The following SFTPD variants were observed in gnomAD, a reference collection of about 807,000 sequenced individuals.
The protein encoded by SFTPD is pulmonary surfactant-associated protein D.
Under a neutral mutation model 34.6 loss-of-function variants are expected in SFTPD, and 18 were observed. The ratio of observed to expected loss-of-function variants is 0.52; its 90% CI spans 0.36 to 0.77. The LOEUF is 0.77. SFTPD is among the 30% of genes least tolerant of loss of function. The pLI, the probability that SFTPD is intolerant of heterozygous loss-of-function variation, is 0.00. For missense variants in SFTPD, 433 were observed against 468.9 expected (o/e 0.92, Z 0.71); for synonymous variants, 155 against 180.9 (o/e 0.86, Z 1.15).
chr10:79,958,343 G>C (rs558683378), intron 1 of SFTPD, among the ~76,000 whole-genome samples: 166 of 152,274 alleles, frequency 1.1e-3, no homozygotes, highest in Middle Eastern at 6.8e-3. Flanking sequence ...CCAATTAAAA[G>C]ACACAGACTG....
At chr10:79,971,350 G>A (rs1475749273) in intron 1 of SFTPD, 2 of 152,064 alleles carry the variant, frequency 1.3e-5, no homozygotes, top group Non-Finnish European at 2.9e-5. Context: ...TCATGTTTTG[G>A]TATGAGGGTA....
intron 1 of SFTPD, among the ~76,000 whole-genome samples, chr10:79,979,143 C>A (rs1346251711): frequency 1.3e-5 from 2 of 151,742 alleles, no homozygotes; most frequent in Non-Finnish European, 2.9e-5. Context: ...AAACATAAAC[C>A]AGAAAATAAA....
In SFTPD at chr10:79,940,725, G is replaced by A. The variant is rs1842602324; in HGVS notation, c.731C>T (p.Ala244Val). The part of the protein sequence containing the change: ...LQGQVQHLQA[A>V]FSQYKKVELF... ...CTCACCTTTCTTATACTGAGAGAAAGCAGCCTGGAGGTGCTGTACTTGTCC... is the reference window on the plus strand; with the variant it reads ...CTCACCTTTCTTATACTGAGAGAAAACAGCCTGGAGGTGCTGTACTTGTCC... The change falls in exon 7 of 8, where the codon GCT (alanine) becomes GTT (valine). Residue 244 changes from alanine (A) to valine (V), a missense_variant. Transcript: ENST00000372292. 4 of 1,608,324 alleles carry A rather than the reference G, an allele frequency of 2.5e-6. No individual in the cohort carries two copies. Among genetic ancestry groups the A allele is most frequent in the African/African-American group, 2.7e-5 (2 of 74,842 alleles).
At chr10:79,956,428 T>C (rs1267510648) in intron 1 of SFTPD, among the ~76,000 whole-genome samples, 4 of 152,260 alleles carry the variant, frequency 2.6e-5, no homozygotes, top group African/African-American at 9.6e-5. Context: ...AGATGGCACC[T>C]GGAAAATCGG....
rs2132496130 is a variant in SFTPD at position 79,942,868 on chromosome 10, C to G, written c.211G>C (p.Ala71Pro). 1 of 1,612,508 alleles carries G rather than the reference C, an allele frequency of 6.2e-7. No homozygotes were observed. The highest frequency in any genetic ancestry group is 2.2e-5 in the East Asian group (1 of 44,870). The change falls in exon 3 of 8, where the codon GCT (alanine) becomes CCT (proline). Residue 71 changes from alanine to proline, a missense_variant. Physicochemically the swap from Ala to Pro is conservative, Grantham distance 27. Coordinates refer to ENST00000372292, the MANE Select transcript of SFTPD (RefSeq NM_003019.5). ...CCAGGCATCCCTGCTTGCCCTGCAG[C>G]TCCTGGCAAACCTGTAGCAGCAGAA... ...GEKGDPGLPG[A>P]AGQAGMPGQA...
chr10:79,977,737 G>T (rs931513037), intron 1 of SFTPD, among the ~76,000 whole-genome samples: 2 of 152,204 alleles, frequency 1.3e-5, no homozygotes, highest in Non-Finnish European at 2.9e-5. Context: ...CTACTAAGGA[G>T]TTGTTACAGA....
chr10:79,948,092 C>G (rs898136310), intron 1 of SFTPD, among the ~76,000 whole-genome samples: 6 of 152,216 alleles, frequency 3.9e-5, no homozygotes, highest in African/African-American at 1.4e-4. Flanking sequence ...TAGCCTCTTT[C>G]AATTTTGAAA....
intron 4 of SFTPD, 31 bp from the exon 5 acceptor site, chr10:79,942,101 G>C: frequency 6.7e-7 from 1 of 1,483,992 alleles, no homozygotes; most frequent in Non-Finnish European, 9.4e-7. Context: ...AACAAACACA[G>C]CTAAGAGCGC....
upstream of SFTPD, among the ~76,000 whole-genome samples, chr10:79,951,626 A>C (rs910927280): frequency 6.6e-6 from 1 of 152,196 alleles, no homozygotes; most frequent in African/African-American, 2.4e-5. Flanking sequence ...CCCCAGCACT[A>C]TACCCTCTGT....
At chr10:79,959,797 A>C (rs951415863) in intron 1 of SFTPD, among the ~76,000 whole-genome samples, 3 of 152,192 alleles carry the variant, frequency 2.0e-5, no homozygotes, top group African/African-American at 7.2e-5. Flanking sequence ...TCATTTTATG[A>C]GGCCAGCATC....
intron 1 of SFTPD, among the ~76,000 whole-genome samples, chr10:79,981,519 G>A (rs919558425): frequency 6.6e-6 from 1 of 152,166 alleles, no homozygotes; most frequent in Non-Finnish European, 1.5e-5. Context: ...TGGGCACCCC[G>A]ACCTTCGCGG....
intron 1 of SFTPD, among the ~76,000 whole-genome samples, chr10:79,978,877 G>C (rs987791293): frequency 6.6e-6 from 1 of 151,056 alleles, no homozygotes; most frequent in Non-Finnish European, 1.5e-5. Flanking sequence ...GAAAGAAAAG[G>C]CACCCAAATG....
intron 1 of SFTPD, among the ~76,000 whole-genome samples, chr10:79,957,278 A>G (rs954035768): frequency 9.9e-5 from 15 of 152,228 alleles, no homozygotes; most frequent in East Asian, 3.9e-4. Flanking sequence ...CTCCTCACCA[A>G]CAACGGAACA....
rs755039838 is a variant in SFTPD, at chr10:79,940,765, C to T, written c.691G>A (p.Val231Ile). The change falls in exon 7 of 8, where the codon GTT becomes ATT. Residue 231 changes from valine (V) to isoleucine (I), a missense_variant. Physicochemically the swap from Val to Ile is conservative, Grantham distance 29 (BLOSUM62 3). Coordinates refer to ENST00000372292, the MANE Select transcript of SFTPD (RefSeq NM_003019.5). ...LPDVASLRQQ[V>I]EALQGQVQHL... The stretch of plus-strand genomic sequence containing the variant: ...TGTACTTGTCCCTGTAAGGCCTCAA[C>T]CTGCTGCCTCAGAGAAGCAACATCT... 8.1e-6 allele frequency: 13 copies of T among 1,611,642 alleles called. No individual in the cohort carries two copies. Among genetic ancestry groups the T allele is most frequent in the Non-Finnish European group, 3.4e-6 (4 of 1,178,062 alleles).
chr10:79,964,538 A>G (rs1842792714), intron 1 of SFTPD, among the ~76,000 whole-genome samples: 1 of 152,168 alleles, frequency 6.6e-6, no homozygotes, highest in South Asian at 2.1e-4. Context: ...TGGACCAAGG[A>G]AAATATCTCC....
chr10:79,948,902 G>A lies in SFTPD; in HGVS notation c.-4+164C>T, dbSNP rs527696425. On this transcript the variant is annotated intron_variant, in intron 1 of 7. Transcript: ENST00000372292. ...AGGCCACTGAATAAGGGGCAGAAGA[G>A]CACCATAAGACCTCCTGTGCTCCCC... Among the ~76,000 whole-genome samples, 23 of 152,288 alleles carry A rather than the reference G, an allele frequency of 1.5e-4. No homozygotes were observed. In the East Asian group the frequency reaches 2.3e-3, roughly 15 times the overall value.
chr10:79,951,069 G>A (rs1343877508), upstream of SFTPD: 1 of 151,564 alleles, frequency 6.6e-6, no homozygotes, highest in Admixed American at 6.6e-5. Flanking sequence ...TATCTCTTTT[G>A]TAAATTTTTC....
At chr10:79,942,909 C>T (rs1842628865) in intron 2 of SFTPD, 30 bp from the exon 3 acceptor site, 5 of 1,471,778 alleles carry the variant, frequency 3.4e-6, no homozygotes, top group Non-Finnish European at 4.8e-6. Context: ...GGACAAAGAC[C>T]TGGCCCTAGA....
chr10:79,962,915 T>C (rs150852377), intron 1 of SFTPD, among the ~76,000 whole-genome samples: 1 of 152,216 alleles, frequency 6.6e-6, no homozygotes, highest in African/African-American at 2.4e-5. Context: ...CTTTCAGGTT[T>C]TATAACCATG....
Sources: gnomAD v4.1 joint callset for allele counts (sites outside exome capture counted in the v4.1 genomes callset) on GRCh38, gnomAD v4.1.1 for gene constraint, MANE v1.5 for transcripts, NCBI Gene and HGNC (gene_info 2026-07-23, HGNC 2026-07-21) for gene names.